PIEZO2: variants seen among roughly 807,000 people sequenced by gnomAD.
The protein encoded by PIEZO2 is piezo-type mechanosensitive ion channel component 2.
Under a neutral mutation model 337.3 loss-of-function variants are expected in PIEZO2, and 172 were observed. That is an observed-to-expected ratio of 0.51 (90% CI 0.45 to 0.58). The LOEUF is 0.58. PIEZO2 is among the 20% of genes least tolerant of loss of function. The probability of loss-of-function intolerance (pLI) is 0.00; values close to 1 mark genes in which losing one functional copy is unlikely to be tolerated. For synonymous variants in PIEZO2, 1,251 were observed against 1,228.5 expected (o/e 1.02, Z -0.38); for missense variants, 3,028 against 3,391.3 (o/e 0.89, Z 2.66).
At chr18:10,871,456 C>T in intron 4 of PIEZO2, 41 bp from the exon 5 acceptor site, 1 of 1,504,562 alleles carries the variant, frequency 6.6e-7, no homozygotes, top group Non-Finnish European at 8.9e-7. Flanking sequence ...AAATTTAGTT[C>T]TTATATTTCT....
At position 11,070,027 on chromosome 18, in the gene PIEZO2, G is replaced by A. The variant is rs1411797760; in HGVS notation, c.65-3805C>T. 6.6e-6 allele frequency among the ~76,000 whole-genome samples: 1 copy of A among 152,190 alleles called. No homozygotes were observed. The highest frequency in any genetic ancestry group is 1.5e-5 in the Non-Finnish European group (1 of 68,024). Reference sequence around the variant, plus strand: ...AGAAATTGAAGAAGACACAAATACAGTCATGGACCTCTTAGCATCAGCAAT... The same window carrying A: ...AGAAATTGAAGAAGACACAAATACAATCATGGACCTCTTAGCATCAGCAAT... On this transcript the variant is annotated intron_variant, in intron 1 of 55. Transcript: ENST00000674853. This position sits in a 1 kb window ranked among gnomAD's most constrained non-coding sequence, Gnocchi z 4.3.
At chr18:10,675,621 A>C (rs2033964411) in intron 53 of PIEZO2, among the ~76,000 whole-genome samples, 1 of 152,204 alleles carries the variant, frequency 6.6e-6, no homozygotes, top group Non-Finnish European at 1.5e-5. Context: ...TCCAATTCTT[A>C]TCCATACCAT....
intron 36 of PIEZO2, among the ~76,000 whole-genome samples, chr18:10,719,699 C>T (rs922156986): frequency 6.6e-6 from 1 of 151,914 alleles, no homozygotes; most frequent in Middle Eastern, 3.2e-3. Flanking sequence ...GATTTTCTTC[C>T]CTTTGAATAT....
At chr18:11,015,090 G>A (rs1348237890) in intron 2 of PIEZO2, among the ~76,000 whole-genome samples, 1 of 128,886 alleles carries the variant, frequency 7.8e-6, no homozygotes, top group Non-Finnish European at 1.6e-5. Flanking sequence ...GGGCGGGACA[G>A]CGATCCGGGG....
intron 1 of PIEZO2, among the ~76,000 whole-genome samples, chr18:11,090,785 G>A (rs537759859): frequency 3.9e-5 from 6 of 151,916 alleles, no homozygotes; most frequent in East Asian, 2.0e-4. Flanking sequence ...GGTGGCGGGC[G>A]CCTGTAGTCC....
chr18:11,081,226 C>T (rs2038728525), intron 1 of PIEZO2, among the ~76,000 whole-genome samples: 1 of 152,166 alleles, frequency 6.6e-6, no homozygotes, highest in Admixed American at 6.5e-5. Flanking sequence ...AATGCAAATT[C>T]TGTTTAACCA....
chr18:11,027,243 G>A lies in PIEZO2; in HGVS notation c.160+38884C>T, dbSNP rs968158751. ...GAGAGGAAAGCAAACAGCATTTGTG[G>A]AAAAGGAACAGCATGAGCCGTGACC... On this transcript the variant is annotated intron_variant, in intron 2 of 55. Transcript: ENST00000674853. This position sits in a 1 kb window ranked among gnomAD's most constrained non-coding sequence, Gnocchi z 4.2. Among the ~76,000 whole-genome samples, 1 of 152,186 alleles carries A rather than the reference G, an allele frequency of 6.6e-6. No homozygotes were observed. The highest frequency in any genetic ancestry group is 6.5e-5 in the Admixed American group (1 of 15,278).
In PIEZO2 at chr18:10,785,457, A is replaced by G. The variant is rs543226539; in HGVS notation, c.2319-500T>C. On this transcript the variant is annotated intron_variant, in intron 16 of 55. Coordinates refer to ENST00000674853, the MANE Select transcript of PIEZO2 (RefSeq NM_001378183.1). Reference sequence around the variant, plus strand: ...CTCCTCCTGTAAGATTCTCGTGCCCAAATTGCTACTGGAAATTGGTTGTTT... The same window carrying G: ...CTCCTCCTGTAAGATTCTCGTGCCCGAATTGCTACTGGAAATTGGTTGTTT... 1.4e-4 allele frequency among the ~76,000 whole-genome samples: 22 copies of G among 152,306 alleles called. No homozygotes were observed. In the South Asian group the frequency reaches 4.6e-3, roughly 32 times the overall value.
At chr18:11,034,338 C>A (rs1355087808) in intron 2 of PIEZO2, among the ~76,000 whole-genome samples, 1 of 151,684 alleles carries the variant, frequency 6.6e-6, no homozygotes, top group African/African-American at 2.4e-5. Flanking sequence ...CTCTGTCGCC[C>A]AGGCTGGAGT....
In PIEZO2 at chr18:11,001,905, A is replaced by AGAAGGAAGGGAG. The variant is rs1555691362; in HGVS notation, c.161-22246_161-22245insCTCCCTTCCTTC. Among the ~76,000 whole-genome samples, 1 of 139,202 alleles carries AGAAGGAAGGGAG rather than the reference A, an allele frequency of 7.2e-6. No individual in the cohort carries two copies. Among genetic ancestry groups the AGAAGGAAGGGAG allele is most frequent in the African/African-American group, 2.8e-5 (1 of 35,888 alleles). The allele number at this position is 139,202 out of a possible 152,430, so 91.3% of individuals were successfully genotyped here. A position where few individuals can be genotyped will look rare whatever the true frequency, so the allele number is the denominator to read the frequency against. ...AAAAGGAGAAAAAGGGAAGGAAGGA[A>AGAAGGAAGGGAG]GAAGGAAGGAAGGAAGGAAGGAAGG... On this transcript the variant is annotated intron_variant, in intron 2 of 55. Coordinates refer to ENST00000674853, the MANE Select transcript of PIEZO2 (RefSeq NM_001378183.1). This position sits in a 1 kb window ranked among gnomAD's most constrained non-coding sequence, Gnocchi z 5.3.
intron 8 of PIEZO2, among the ~76,000 whole-genome samples, chr18:10,805,650 G>C (rs781739941): frequency 3.3e-5 from 5 of 152,206 alleles, no homozygotes; most frequent in Non-Finnish European, 5.9e-5. Context: ...AATTTTAGAA[G>C]AGAACTGAAG....
chr18:10,918,892 A>G (rs973124807), intron 3 of PIEZO2, among the ~76,000 whole-genome samples: 2 of 152,064 alleles, frequency 1.3e-5, no homozygotes, highest in African/African-American at 4.8e-5. Context: ...TATATATAAC[A>G]TTGCAATGAG....
chr18:10,744,034 A>G, intron 31 of PIEZO2, 108 bp downstream of exon 31: 1 of 697,946 alleles, frequency 1.4e-6, no homozygotes, highest in Non-Finnish European at 2.4e-6. Flanking sequence ...GAAAGTCCAT[A>G]CATATATATT....
chr18:10,834,717 C>G lies in PIEZO2; in HGVS notation c.917+20636G>C, dbSNP rs2040952821. Among the ~76,000 whole-genome samples, 1 of 152,168 alleles carries G rather than the reference C, an allele frequency of 6.6e-6. No individual in the cohort carries two copies. The highest frequency in any genetic ancestry group is 2.4e-5 in the African/African-American group (1 of 41,434). On this transcript the variant is annotated intron_variant, in intron 7 of 55. Coordinates refer to ENST00000674853, the MANE Select transcript of PIEZO2 (RefSeq NM_001378183.1). This position sits in a 1 kb window ranked among gnomAD's most constrained non-coding sequence, Gnocchi z 4.5. ...CCTGGCCTGTCTGAACTCCAAAGCC[C>G]TTCCCTTTCCACAAGGCCAGGCTTC...
In PIEZO2 at chr18:10,786,729, A is replaced by G. The variant is rs958359206; in HGVS notation, c.2318+307T>C. 6.6e-5 allele frequency among the ~76,000 whole-genome samples: 10 copies of G among 152,364 alleles called. No homozygotes were observed. The East Asian group carries it at 1.9e-3, about 29-fold the overall frequency. ...TATAAGTGCATGAACTTACTTAAGA[A>G]CTGAAGAACTGAGCTCCAATGTGGA... On this transcript the variant is annotated intron_variant, in intron 16 of 55. Transcript: ENST00000674853.
rs1021672981 is a variant in PIEZO2 at position 10,806,976 on chromosome 18, A to G, written c.1080+136T>C. The G allele has an allele frequency of 6.4e-6, 6 of 931,240 alleles. No individual in the cohort carries two copies. The African/African-American group carries it at 9.9e-5, about 15-fold the overall frequency. 57.7% of individuals were successfully genotyped at this position (931,240 alleles called of 1,614,324 possible). ...TCACTTAATACTCTTTGCAGAATTA[A>G]AACATCATACCCAGAACACTAGAGT... is the stretch of plus-strand genomic sequence containing the variant. On this transcript the variant is annotated intron_variant, in intron 8 of 55. Transcript: ENST00000674853.
chr18:11,025,018 GAGATGGA>G (rs1222719334), intron 2 of PIEZO2, among the ~76,000 whole-genome samples: 3 of 151,698 alleles, frequency 2.0e-5, no homozygotes, highest in African/African-American at 7.3e-5. Flanking sequence ...TAGCCTGCAT[GAGATGGA>G]AGCGCATTTT....
chr18:10,732,622 A>T (rs1374979163), intron 35 of PIEZO2, among the ~76,000 whole-genome samples: 2 of 152,226 alleles, frequency 1.3e-5, no homozygotes, highest in Non-Finnish European at 2.9e-5. Flanking sequence ...CAAATGCAAC[A>T]TCTGTATTAT....
intron 5 of PIEZO2, among the ~76,000 whole-genome samples, chr18:10,867,457 A>G (rs886334493): frequency 2.6e-5 from 4 of 152,244 alleles, no homozygotes; most frequent in Non-Finnish European, 4.4e-5. Context: ...GAATAAATTT[A>G]GCAGGACTTA....
Sources: allele counts gnomAD v4.1 joint callset (sites outside exome capture counted in the v4.1 genomes callset), GRCh38; gene constraint gnomAD v4.1.1; non-coding constraint Gnocchi (gnomAD v3.1); transcripts MANE v1.5; gene names NCBI Gene and HGNC (gene_info 2026-07-23, HGNC 2026-07-21).